Variants in NIPAL3 observed in about 807,000 individuals in gnomAD.
NIPAL3 encodes the protein NIPA like domain containing 3, also known as NIPA-like protein 3.
A neutral mutation model predicts 47.2 loss-of-function variants in NIPAL3; 41 were observed. That is an observed-to-expected ratio of 0.87 (90% CI 0.68 to 1.13). NIPAL3 has a LOEUF of 1.13. NIPAL3 is among the 50% of genes most tolerant of loss of function. The pLI is 0.00. For synonymous variants in NIPAL3, 194 were observed against 209.6 expected (o/e 0.93, Z 0.64); for missense variants, 449 against 530.1 (o/e 0.85, Z 1.50).
intron 2 of NIPAL3, among the ~76,000 whole-genome samples, chr1:24,420,378 T>A (rs1644273312): frequency 6.6e-6 from 1 of 152,074 alleles, no homozygotes; most frequent in Non-Finnish European, 1.5e-5. Flanking sequence ...GGCATGTGCC[T>A]GTAGTCCTAA....
At chr1:24,447,217 G>A (rs1460773485) in intron 5 of NIPAL3, among the ~76,000 whole-genome samples, 1 of 152,202 alleles carries the variant, frequency 6.6e-6, no homozygotes, top group African/African-American at 2.4e-5. Flanking sequence ...TTCTTATAGA[G>A]CTTCCCAGGG....
At chr1:24,463,686 C>G (rs1020156825) in intron 10 of NIPAL3, among the ~76,000 whole-genome samples, 1 of 152,124 alleles carries the variant, frequency 6.6e-6, no homozygotes, top group African/African-American at 2.4e-5. Context: ...TGAATGACTT[C>G]AATTTAAGAA....
At chr1:24,446,644 G>A (rs990803395) in intron 5 of NIPAL3, among the ~76,000 whole-genome samples, 2 of 152,104 alleles carry the variant, frequency 1.3e-5, no homozygotes, top group African/African-American at 2.4e-5. Context: ...TGGTGTATAC[G>A]TACCACATTT....
chr1:24,446,310 C>T (rs986211736), intron 5 of NIPAL3, among the ~76,000 whole-genome samples: 1 of 151,962 alleles, frequency 6.6e-6, no homozygotes, highest in African/African-American at 2.4e-5. Flanking sequence ...GCAGGATGTG[C>T]AGGTTTGTTA....
chr1:24,438,603 C>T (rs765806707), intron 2 of NIPAL3, among the ~76,000 whole-genome samples: 5 of 152,208 alleles, frequency 3.3e-5, no homozygotes, highest in Admixed American at 6.5e-5. Context: ...GGGGAAGCCT[C>T]GGCCAGCTCT....
At chr1:24,467,247 A>G (rs1646735045) in intron 11 of NIPAL3, among the ~76,000 whole-genome samples, 2 of 152,054 alleles carry the variant, frequency 1.3e-5, no homozygotes, top group Non-Finnish European at 2.9e-5. Context: ...GCAGATCACA[A>G]GGTCAGGAGA....
intron 6 of NIPAL3, among the ~76,000 whole-genome samples, chr1:24,452,980 G>A (rs1419753114): frequency 6.6e-6 from 1 of 151,858 alleles, no homozygotes; most frequent in Non-Finnish European, 1.5e-5. Context: ...AGGGTTACAG[G>A]TGTGAGCCAC....
chr1:24,430,673 C>T (rs1238780905), intron 2 of NIPAL3, among the ~76,000 whole-genome samples: 1 of 152,214 alleles, frequency 6.6e-6, no homozygotes, highest in Non-Finnish European at 1.5e-5. Context: ...AAGCAAAGTA[C>T]TGGACACTCC....
At chr1:24,436,892 A>G (rs570908829) in intron 2 of NIPAL3, among the ~76,000 whole-genome samples, 1 of 152,098 alleles carries the variant, frequency 6.6e-6, no homozygotes, top group South Asian at 2.1e-4. Flanking sequence ...CCAGAAGCAG[A>G]TGTTCTATAA....
upstream of NIPAL3, chr1:24,414,292 C>A (rs951822563): frequency 6.6e-6 from 1 of 151,966 alleles, no homozygotes; most frequent in East Asian, 1.9e-4. Context: ...GTGATCCACC[C>A]GCCTCGGCCT....
chr1:24,466,101 A>T (rs879323926), intron 11 of NIPAL3: 7 of 1,607,996 alleles, frequency 4.4e-6, no homozygotes, highest in African/African-American at 2.7e-5. Flanking sequence ...TAATTCAAGC[A>T]CCTGAAAGAC....
chr1:24,445,533 C>G (rs1315118551), intron 5 of NIPAL3, among the ~76,000 whole-genome samples: 1 of 152,060 alleles, frequency 6.6e-6, no homozygotes, highest in Non-Finnish European at 1.5e-5. Context: ...GAAAAGAAAC[C>G]CTCTCTCCCT....
chr1:24,456,091 C>T, intron 7 of NIPAL3, 47 bp from the exon 8 acceptor site: 1 of 1,611,484 alleles, frequency 6.2e-7, no homozygotes, highest in East Asian at 2.2e-5. Flanking sequence ...ACCTAACTCT[C>T]TGCATTTCCC....
chr1:24,427,888 C>A (rs1403960870), intron 2 of NIPAL3, among the ~76,000 whole-genome samples: 2 of 152,140 alleles, frequency 1.3e-5, no homozygotes, highest in Non-Finnish European at 2.9e-5. Context: ...TTCTCTGGCC[C>A]CGCTTCTCCA....
At chr1:24,436,646 G>A (rs763865820) in intron 2 of NIPAL3, among the ~76,000 whole-genome samples, 3 of 143,930 alleles carry the variant, frequency 2.1e-5, no homozygotes, top group Non-Finnish European at 4.4e-5. Context: ...CCACCACCAC[G>A]CCCAGATAAT....
chr1:24,465,127 T>A (rs1646641790), intron 11 of NIPAL3: 1 of 152,144 alleles, frequency 6.6e-6, no homozygotes, highest in Admixed American at 6.6e-5. Context: ...ACCCAGCTTG[T>A]TCAGATTACA....
rs1646853075 is a variant in NIPAL3, at chr1:24,470,100, C to T, written c.*915C>T. The T allele has an allele frequency of 6.6e-6, 1 of 152,186 alleles. No homozygotes were observed. Among genetic ancestry groups the T allele is most frequent in the South Asian group, 2.1e-4 (1 of 4,828 alleles). The allele number at this position is 152,186 out of a possible 1,614,324, so 9.4% of individuals were successfully genotyped here. A position where few individuals can be genotyped will look rare whatever the true frequency, so the allele number is the denominator to read the frequency against. On this transcript the variant is annotated 3_prime_UTR_variant, in exon 12 of 12. Transcript: ENST00000374399. ...AGAGACAGCCTCTTCACCTGTCCTC[C>T]GTCTCTCCATTACAGAGCCACAAGC...
rs1255497581 is a variant in NIPAL3 at position 24,452,849 on chromosome 1, G to A, written c.541-559G>A. On this transcript the variant is annotated intron_variant, in intron 6 of 11. Transcript: ENST00000374399. ...TTATAGGCAGATGCCACCACGCCCA[G>A]CTAATTTTTTTTTTTTTTTTTTTTG... is the stretch of plus-strand genomic sequence containing the variant. Among the ~76,000 whole-genome samples the A allele has an allele frequency of 2.3e-5, 3 of 130,664 alleles. No homozygotes were observed. In the East Asian group the frequency reaches 6.6e-4, roughly 29 times the overall value. The allele number at this position is 130,664 out of a possible 152,430, so 85.7% of individuals were successfully genotyped here. A position where few individuals can be genotyped will look rare whatever the true frequency, so the allele number is the denominator to read the frequency against.
chr1:24,469,621 G>C lies in NIPAL3; in HGVS notation c.*436G>C, dbSNP rs1646839004. On this transcript the variant is annotated 3_prime_UTR_variant, in exon 12 of 12. Transcript: ENST00000374399. Reference sequence around the variant, plus strand: ...CTTCCTCCACCTCATGTGCATGCCTGATCTCACCCTGACACTCCTGATGCC... The same window carrying C: ...CTTCCTCCACCTCATGTGCATGCCTCATCTCACCCTGACACTCCTGATGCC... 6.1e-6 allele frequency: 1 copy of C among 163,142 alleles called. No homozygotes were observed. The highest frequency in any genetic ancestry group is 1.3e-5 in the Non-Finnish European group (1 of 74,228). 10.1% of individuals were successfully genotyped at this position (163,142 alleles called of 1,614,324 possible).
Sources: allele counts gnomAD v4.1 joint callset (sites outside exome capture counted in the v4.1 genomes callset), GRCh38; gene constraint gnomAD v4.1.1; transcripts MANE v1.5; gene names NCBI Gene and HGNC (gene_info 2026-07-23, HGNC 2026-07-21).